KCNQ5: variants seen among roughly 807,000 people sequenced by gnomAD.
The protein encoded by KCNQ5 is potassium voltage-gated channel subfamily KQT member 5.
Under a neutral mutation model 98.2 loss-of-function variants are expected in KCNQ5, and 30 were observed. The ratio of observed to expected loss-of-function variants is 0.31; its 90% CI spans 0.23 to 0.41. The LOEUF (loss-of-function observed/expected upper bound fraction) is 0.41. KCNQ5 is among the 10% of genes least tolerant of loss of function. The pLI is 1.00. For synonymous variants in KCNQ5, 458 were observed against 449.4 expected, an observed-to-expected ratio of 1.02 and a Z score of -0.24; for missense variants, 835 against 1,182.5, an observed-to-expected ratio of 0.71 and a Z score of 4.31.
chr6:73,002,353 A>G (rs539633476), intron 1 of KCNQ5, among the ~76,000 whole-genome samples: 1 of 152,224 alleles, frequency 6.6e-6, no homozygotes, highest in East Asian at 1.9e-4. Context: ...CTTAGACTAC[A>G]CAGTGCTTAG....
chr6:73,185,103 G>C (rs376189055), intron 11 of KCNQ5, among the ~76,000 whole-genome samples: 1 of 152,142 alleles, frequency 6.6e-6, no homozygotes. Context: ...ATTACAGTGT[G>C]GTGTGTTAGG....
intron 1 of KCNQ5, among the ~76,000 whole-genome samples, chr6:72,915,636 A>C (rs951776660): frequency 1.3e-5 from 2 of 152,180 alleles, no homozygotes; most frequent in African/African-American, 4.8e-5. Context: ...AAAGATTTAA[A>C]GCATAGCAGA....
intron 3 of KCNQ5, among the ~76,000 whole-genome samples, chr6:73,062,967 T>A (rs1162430971): frequency 1.3e-5 from 2 of 152,200 alleles, no homozygotes; most frequent in Admixed American, 1.3e-4. Flanking sequence ...AGAATCCATC[T>A]CTTATCAAGT....
chr6:72,912,898 C>T (rs1333950454), intron 1 of KCNQ5, among the ~76,000 whole-genome samples: 1 of 152,018 alleles, frequency 6.6e-6, no homozygotes, highest in East Asian at 1.9e-4. Flanking sequence ...ACATGGGGAC[C>T]TTTCAGAGAG....
intron 1 of KCNQ5, among the ~76,000 whole-genome samples, chr6:72,701,558 G>T (rs1044126367): frequency 4.6e-5 from 7 of 151,938 alleles, no homozygotes; most frequent in Admixed American, 2.6e-4. Context: ...TTGTGGGGGC[G>T]GTTCTTTTTT....
At chr6:72,839,545 A>G (rs182827137) in intron 1 of KCNQ5, among the ~76,000 whole-genome samples, 16 of 152,248 alleles carry the variant, frequency 1.1e-4, no homozygotes, top group Admixed American at 7.2e-4. Context: ...AAGGTTGTTG[A>G]TGTTTTTGCT....
chr6:73,003,043 C>T (rs983464320), intron 1 of KCNQ5, among the ~76,000 whole-genome samples: 1 of 151,282 alleles, frequency 6.6e-6, no homozygotes, highest in African/African-American at 2.4e-5. Context: ...AAAAATATGA[C>T]CTAGAGCAAA....
chr6:72,835,925 G>A (rs1247219711), intron 1 of KCNQ5, among the ~76,000 whole-genome samples: 2 of 152,150 alleles, frequency 1.3e-5, no homozygotes, highest in Non-Finnish European at 2.9e-5. Context: ...CTGCTTCTCA[G>A]TTCCACATTC....
intron 1 of KCNQ5, among the ~76,000 whole-genome samples, chr6:72,982,788 C>T (rs1308057072): frequency 3.3e-5 from 5 of 151,886 alleles, no homozygotes; most frequent in Non-Finnish European, 7.4e-5. Flanking sequence ...CACAATTTGA[C>T]GTTTTTGCAG....
At chr6:73,068,776 T>A (rs541656722) in intron 3 of KCNQ5, among the ~76,000 whole-genome samples, 42 of 152,294 alleles carry the variant, frequency 2.8e-4, no homozygotes, top group African/African-American at 9.6e-4. Flanking sequence ...CTGCTACTAA[T>A]AGTGTTAGGT....
At chr6:72,669,066 T>G (rs1243247492) in intron 1 of KCNQ5, among the ~76,000 whole-genome samples, 1 of 152,110 alleles carries the variant, frequency 6.6e-6, no homozygotes, top group Non-Finnish European at 1.5e-5. Flanking sequence ...CAAAATGCAT[T>G]CATTCCATCC....
chr6:73,003,868 G>A (rs1265907029), intron 1 of KCNQ5, 40 bp from the exon 2 acceptor site: 1 of 1,307,742 alleles, frequency 7.6e-7, no homozygotes. Context: ...TGATAATAAG[G>A]TAAGGTTCTT....
chr6:72,827,274 A>G (rs3005767), intron 1 of KCNQ5, among the ~76,000 whole-genome samples: 34,211 of 151,994 alleles, frequency 0.23, 4,711 homozygotes, highest in Non-Finnish European at 0.3. Flanking sequence ...TAGTCATTCT[A>G]TTTGTGGTTT....
chr6:72,869,476 G>T (rs181018203), intron 1 of KCNQ5, among the ~76,000 whole-genome samples: 7 of 152,194 alleles, frequency 4.6e-5, no homozygotes, highest in Admixed American at 3.9e-4. Context: ...AGTAATAGAT[G>T]GACTTTTTTG....
chr6:72,920,541 G>T (rs990985756), intron 1 of KCNQ5, among the ~76,000 whole-genome samples: 1 of 152,056 alleles, frequency 6.6e-6, no homozygotes, highest in African/African-American at 2.4e-5. Flanking sequence ...GCCTCTTTCT[G>T]AAGACTTCTG....
intron 1 of KCNQ5, among the ~76,000 whole-genome samples, chr6:72,685,928 C>G (rs1767927216): frequency 6.6e-6 from 1 of 152,132 alleles, no homozygotes; most frequent in Admixed American, 6.5e-5. Context: ...CCAACAGATT[C>G]AATTCTTAGT....
At chr6:72,771,384 C>T (rs1772867634) in intron 1 of KCNQ5, among the ~76,000 whole-genome samples, 1 of 152,070 alleles carries the variant, frequency 6.6e-6, no homozygotes, top group South Asian at 2.1e-4. Context: ...TATTAGGCAA[C>T]CAAAGTATTT....
chr6:72,754,224 A>G (rs543345921), intron 1 of KCNQ5, among the ~76,000 whole-genome samples: 49 of 152,208 alleles, frequency 3.2e-4, no homozygotes, highest in African/African-American at 1.2e-3. Context: ...GAGGGTTTTT[A>G]TCATTAATGG....
chr6:72,723,508 A>G (rs919053050), intron 1 of KCNQ5, among the ~76,000 whole-genome samples: 22 of 152,228 alleles, frequency 1.4e-4, no homozygotes, highest in Admixed American at 1.2e-3. Flanking sequence ...CTTTGCTATC[A>G]TATGCGTTAT....
Sources: gnomAD v4.1 joint callset for allele counts (sites outside exome capture counted in the v4.1 genomes callset) on GRCh38, gnomAD v4.1.1 for gene constraint, MANE v1.5 for transcripts, NCBI Gene and HGNC (gene_info 2026-07-23, HGNC 2026-07-21) for gene names.